The following ITGA9 variants were observed in gnomAD, a reference collection of about 807,000 sequenced individuals.
The protein encoded by ITGA9 is integrin subunit alpha 9, also known as integrin alpha-9.
In ITGA9, 56 loss-of-function variants were observed where a neutral mutation model predicts 127.8. The observed-to-expected ratio is 0.44, with a 90% CI of 0.35 to 0.55. The LOEUF (loss-of-function observed/expected upper bound fraction) is 0.55. ITGA9 is among the 20% of genes least tolerant of loss of function. The pLI is 0.00. For synonymous variants in ITGA9, 508 were observed against 514.5 expected (o/e 0.99, Z 0.17); for missense variants, 1,196 against 1,347.1 (o/e 0.89, Z 1.76).
chr3:37,613,059 C>T (rs535327831), intron 15 of ITGA9, among the ~76,000 whole-genome samples: 2 of 151,958 alleles, frequency 1.3e-5, no homozygotes, highest in Non-Finnish European at 2.9e-5. Flanking sequence ...GTGTGCTGCA[C>T]CCATTAACTC....
chr3:37,706,828 G>A (rs934757064), intron 18 of ITGA9, among the ~76,000 whole-genome samples: 18 of 152,166 alleles, frequency 1.2e-4, no homozygotes, highest in Non-Finnish European at 1.5e-5. Flanking sequence ...ATTGCTTTCT[G>A]ACATTTGAGC....
In ITGA9 at chr3:37,681,553, T is replaced by C. The variant is rs563996661; in HGVS notation, c.1917-2312T>C. Among the ~76,000 whole-genome samples the C allele has an allele frequency of 5.9e-5, 9 of 152,282 alleles. 1 individual carries two copies. The East Asian group carries it at 1.4e-3, about 23-fold the overall frequency. On this transcript the variant is annotated intron_variant, in intron 17 of 27. Transcript: ENST00000264741. ...ATGTGCCGCCCCACCTATCTTGAGATTCCCCCAAAACACGAGGATGTCAGG... is the reference window on the plus strand; with the variant it reads ...ATGTGCCGCCCCACCTATCTTGAGACTCCCCCAAAACACGAGGATGTCAGG...
intron 18 of ITGA9, among the ~76,000 whole-genome samples, chr3:37,716,500 G>A (rs1264199006): frequency 6.6e-6 from 1 of 151,192 alleles, no homozygotes; most frequent in Non-Finnish European, 1.5e-5. Flanking sequence ...AACAACTTCT[G>A]CAGGCTCAAA....
intron 4 of ITGA9, among the ~76,000 whole-genome samples, chr3:37,484,781 G>T (rs1171319889): frequency 2.6e-5 from 4 of 152,160 alleles, no homozygotes; most frequent in African/African-American, 9.7e-5. Context: ...TCTCAGATGG[G>T]TTATTTAAGT....
At chr3:37,727,572 GC>G (rs1488810748) in intron 18 of ITGA9, among the ~76,000 whole-genome samples, 1 of 152,154 alleles carries the variant, frequency 6.6e-6, no homozygotes, top group Non-Finnish European at 1.5e-5. Flanking sequence ...TAGACCAAAG[GC>G]AAAAGATTAT....
At chr3:37,605,997 C>T (rs987368659) in intron 15 of ITGA9, among the ~76,000 whole-genome samples, 3 of 152,134 alleles carry the variant, frequency 2.0e-5, no homozygotes, top group Admixed American at 6.5e-5. Flanking sequence ...GGGAGACCCA[C>T]GAAACTGCCC....
At position 37,741,817 on chromosome 3, in the gene ITGA9, C is replaced by T. The variant is rs145152264; in HGVS notation, c.2322C>T (p.Thr774=). The change falls in exon 21 of 28, where the codon ACC becomes ACT. Residue 774 remains threonine, a splice_region_variant and synonymous_variant. Coordinates refer to ENST00000264741, the MANE Select transcript of ITGA9 (RefSeq NM_002207.3). ...TGCACGAGGTGGACACGTCCATCAC[C>T]GGGTGAGTAGCCTGGTCCTGGGTTG... The part of the protein sequence containing the change: ...PLMHEVDTSI[T]GIMSPTSFVY... 32 of 1,611,938 alleles carry T rather than the reference C, an allele frequency of 2.0e-5. No homozygotes were observed. The highest frequency in any genetic ancestry group is 2.7e-5 in the African/African-American group (2 of 74,884).
chr3:37,680,840 A>G (rs1375455105), intron 17 of ITGA9, among the ~76,000 whole-genome samples: 1 of 152,256 alleles, frequency 6.6e-6, no homozygotes, highest in African/African-American at 2.4e-5. Flanking sequence ...GTTTAAGATT[A>G]AAATGGCCAA....
At chr3:37,499,059 G>A (rs1389938894) in intron 5 of ITGA9, among the ~76,000 whole-genome samples, 1 of 152,210 alleles carries the variant, frequency 6.6e-6, no homozygotes, top group East Asian at 1.9e-4. Flanking sequence ...TTGACCTACA[G>A]GTCAGTGACC....
At chr3:37,804,937 A>G (rs892336698) in intron 27 of ITGA9, among the ~76,000 whole-genome samples, 2 of 152,210 alleles carry the variant, frequency 1.3e-5, no homozygotes, top group African/African-American at 4.8e-5. Flanking sequence ...TTTTCTCTGC[A>G]TATATAGATA....
intron 18 of ITGA9, among the ~76,000 whole-genome samples, chr3:37,719,328 C>A (rs368584748): frequency 6.6e-6 from 1 of 152,166 alleles, no homozygotes; most frequent in Admixed American, 6.5e-5. Context: ...GCTGCTGCCC[C>A]CTGAGACAGG....
intron 22 of ITGA9, among the ~76,000 whole-genome samples, chr3:37,750,028 G>A (rs985163100): frequency 6.6e-6 from 1 of 151,928 alleles, no homozygotes; most frequent in Non-Finnish European, 1.5e-5. Context: ...CAGAAACTCG[G>A]CATGACCCCC....
rs1374429008 is a variant in ITGA9, at chr3:37,517,513, G to T, written c.1045G>T (p.Glu349Ter). 6.3e-7 allele frequency: 1 copy of T among 1,591,436 alleles called. No homozygotes were observed. Among genetic ancestry groups the T allele is most frequent in the Non-Finnish European group, 8.6e-7 (1 of 1,168,330 alleles). The change falls in exon 10 of 28, where the codon GAG (glutamate) becomes TAG (stop). Residue 349 changes from glutamate (E) to a stop codon, truncating the protein, a stop_gained. Coordinates refer to ENST00000264741, the MANE Select transcript of ITGA9 (RefSeq NM_002207.3). LOFTEE classifies it high-confidence loss of function. ...CCATCCTGTTTCCCAGGGAGCCCTC[G>T]AGGAGCAGCTGGCTCTGACTGGGGA... is the stretch of plus-strand genomic sequence containing the variant. ...VYINRGNGAL[E>*]EQLALTGDGA...
At chr3:37,756,665 T>G (rs562985061) in intron 23 of ITGA9, among the ~76,000 whole-genome samples, 1 of 152,158 alleles carries the variant, frequency 6.6e-6, no homozygotes, top group Non-Finnish European at 1.5e-5. Context: ...AGAAACTAAT[T>G]TATATGGAGT....
chr3:37,708,021 T>A lies in ITGA9; in HGVS notation c.2067+24006T>A, dbSNP rs528842957. Among the ~76,000 whole-genome samples the A allele has an allele frequency of 2.0e-5, 3 of 152,304 alleles. No homozygotes were observed. In the South Asian group the frequency reaches 6.2e-4, roughly 32 times the overall value. On this transcript the variant is annotated intron_variant, in intron 18 of 27. Coordinates refer to ENST00000264741, the MANE Select transcript of ITGA9 (RefSeq NM_002207.3). The stretch of plus-strand genomic sequence containing the variant: ...CACAGCAGCTCTGAATTCATTAGCA[T>A]AACAAACCACCCCCAAATCTAGTGG...
At chr3:37,492,823 T>G (rs1698686598) in intron 4 of ITGA9, among the ~76,000 whole-genome samples, 1 of 152,260 alleles carries the variant, frequency 6.6e-6, no homozygotes, top group South Asian at 2.1e-4. Flanking sequence ...TTTTCACATT[T>G]AATATGTAAC....
At chr3:37,684,418 G>A (rs1291747899) in intron 18 of ITGA9, among the ~76,000 whole-genome samples, 2 of 152,160 alleles carry the variant, frequency 1.3e-5, no homozygotes, top group Non-Finnish European at 2.9e-5. Flanking sequence ...TAGTTATTAT[G>A]TATGATGTAC....
Position 37,806,055 on chromosome 3 carries a change from CTGTT to C in ITGA9, c.3009+2116_3009+2119del, listed in dbSNP as rs1697292153. ...CCCACAAGCAGTGTATCAGAAATGTCTGTTTGCCAATAGTGGATGTTACCTTTTA... is the reference window on the plus strand; with the variant it reads ...CCCACAAGCAGTGTATCAGAAATGTCTGCCAATAGTGGATGTTACCTTTTA... On this transcript the variant is annotated intron_variant, in intron 27 of 27. Transcript: ENST00000264741. This position sits in a 1 kb window ranked among gnomAD's most constrained non-coding sequence, Gnocchi z 4.3. 1 of 152,202 alleles carries C rather than the reference CTGTT, an allele frequency of 6.6e-6. No individual in the cohort carries two copies. The highest frequency in any genetic ancestry group is 1.5e-5 in the Non-Finnish European group (1 of 68,042). 9.4% of individuals were successfully genotyped at this position (152,202 alleles called of 1,614,324 possible). A position where few individuals can be genotyped will look rare whatever the true frequency, so the allele number is the denominator to read the frequency against.
Position 37,471,292 on chromosome 3 carries a change from T to TA in ITGA9, c.313+159dup, listed in dbSNP as rs878966269. Among the ~76,000 whole-genome samples the TA allele has an allele frequency of 3.3e-5, 5 of 152,190 alleles. No homozygotes were observed. The South Asian group carries it at 1.0e-3, about 32-fold the overall frequency. On this transcript the variant is annotated intron_variant, in intron 2 of 27. Coordinates refer to ENST00000264741, the MANE Select transcript of ITGA9 (RefSeq NM_002207.3). ...AAGCATGTATTGAGTACGTAATAGT[T>TA]ATTAAGCACTGGGATACACCAGTGA... is the stretch of plus-strand genomic sequence containing the variant.
Sources: allele counts gnomAD v4.1 joint callset (sites outside exome capture counted in the v4.1 genomes callset), GRCh38; gene constraint gnomAD v4.1.1; non-coding constraint Gnocchi (gnomAD v3.1); transcripts MANE v1.5; gene names NCBI Gene and HGNC (gene_info 2026-07-23, HGNC 2026-07-21).